BCAS3: variants seen among roughly 807,000 people sequenced by gnomAD.
BCAS3 encodes BCAS3 microtubule associated cell migration factor.
A neutral mutation model predicts 116.1 loss-of-function variants in BCAS3; 53 were observed. The observed-to-expected ratio is 0.46, with a 90% confidence interval of 0.37 to 0.57. BCAS3 has a LOEUF of 0.57. BCAS3 is among the 20% of genes least tolerant of loss of function. The pLI is 0.00. For missense variants in BCAS3, 917 were observed against 1,165.4 expected (o/e 0.79, Z 3.10); for synonymous variants, 391 against 408.2 (o/e 0.96, Z 0.51).
At position 61,333,241 on chromosome 17, in the gene BCAS3, C is replaced by T. The variant is rs8064930; in HGVS notation, c.2426-35086C>T. The stretch of plus-strand genomic sequence containing the variant: ...CAGTTATGCACAGGGAGCAGCTGGT[C>T]CCTCAGACCTTGCCAGCCACTTCTG... On this transcript the variant is annotated intron_variant, in intron 22 of 23. Coordinates refer to ENST00000407086, the MANE Select transcript of BCAS3 (RefSeq NM_017679.5). This position sits in a 1 kb window ranked among gnomAD's most constrained non-coding sequence, Gnocchi z 4.8. Among the ~76,000 whole-genome samples the T allele has an allele frequency of 0.1, 15,139 of 152,130 alleles. 1,000 individuals carry two copies. Among genetic ancestry groups the T allele is most frequent in the African/African-American group, 0.19 (7,806 of 41,472 alleles).
intron 14 of BCAS3, among the ~76,000 whole-genome samples, chr17:60,959,720 A>G (rs1453043096): frequency 6.6e-6 from 1 of 152,220 alleles, no homozygotes. Flanking sequence ...TGGTTACTAC[A>G]ACAAATTGCC....
chr17:61,025,980 CA>C (rs1441226959), intron 16 of BCAS3, among the ~76,000 whole-genome samples: 3 of 150,438 alleles, frequency 2.0e-5, no homozygotes, highest in Non-Finnish European at 4.4e-5. Context: ...CACATTTTAC[CA>C]ATGTGCTTTT....
intron 12 of BCAS3, among the ~76,000 whole-genome samples, chr17:60,918,683 G>A (rs2058905408): frequency 6.7e-6 from 1 of 149,014 alleles, no homozygotes; most frequent in Non-Finnish European, 1.5e-5. Context: ...TATTGTTGAA[G>A]CTTCTCAATT....
At chr17:60,929,541 TTC>T (rs1176117188) in intron 13 of BCAS3, among the ~76,000 whole-genome samples, 2 of 152,088 alleles carry the variant, frequency 1.3e-5, no homozygotes. Context: ...GATATGTAAT[TTC>T]TTTTTTATTT....
intron 15 of BCAS3, among the ~76,000 whole-genome samples, chr17:61,005,014 A>G (rs1026012282): frequency 5.3e-5 from 8 of 152,176 alleles, no homozygotes; most frequent in African/African-American, 1.9e-4. Flanking sequence ...GACAGTACTC[A>G]TAAATGAATA....
At chr17:60,876,178 C>T (rs1017568453) in intron 9 of BCAS3, among the ~76,000 whole-genome samples, 1 of 152,004 alleles carries the variant, frequency 6.6e-6, no homozygotes, top group African/African-American at 2.4e-5. Context: ...CCATTTACTA[C>T]CAATGAAACT....
At chr17:61,069,886 A>C in intron 19 of BCAS3, 1 of 1,224,470 alleles carries the variant, frequency 8.2e-7, no homozygotes, top group South Asian at 1.2e-5. Flanking sequence ...GCCGAAAGCG[A>C]AGAAGGAAGC....
intron 13 of BCAS3, among the ~76,000 whole-genome samples, chr17:60,943,908 A>G (rs2060349203): frequency 6.6e-6 from 1 of 152,118 alleles, no homozygotes; most frequent in Non-Finnish European, 1.5e-5. Flanking sequence ...GCAAAAGACA[A>G]AGCAACTAGG....
chr17:60,848,415 A>G (rs558139789), intron 7 of BCAS3, among the ~76,000 whole-genome samples: 10 of 152,176 alleles, frequency 6.6e-5, no homozygotes, highest in African/African-American at 2.2e-4. Flanking sequence ...TCATTGCTAG[A>G]TTTTGCGTGT....
At chr17:60,811,039 G>A in intron 7 of BCAS3, 1 of 650,698 alleles carries the variant, frequency 1.5e-6, no homozygotes, top group Non-Finnish European at 2.8e-6. Context: ...GGTTGGAGCT[G>A]CTGCGTTGAT....
chr17:60,757,394 ATG>A (rs61645091), intron 6 of BCAS3, among the ~76,000 whole-genome samples: 10,350 of 136,328 alleles, frequency 0.076, 376 homozygotes, highest in African/African-American at 0.11. Flanking sequence ...CAGCATGTAT[ATG>A]TGTGTGTGTG....
intron 5 of BCAS3, among the ~76,000 whole-genome samples, chr17:60,723,747 C>G (rs1244317133): frequency 2.0e-5 from 2 of 100,526 alleles, no homozygotes; most frequent in Admixed American, 1.6e-4. Context: ...GAGATGAAGT[C>G]TCGCTCTGTT....
In BCAS3 at chr17:61,118,191, G is replaced by A. The variant is rs915066018; in HGVS notation, c.2425+33627G>A. On this transcript the variant is annotated intron_variant, in intron 22 of 23. Transcript: ENST00000407086. This position sits in a 1 kb window ranked among gnomAD's most constrained non-coding sequence, Gnocchi z 5.0. The stretch of plus-strand genomic sequence containing the variant: ...CAGGGGAAGTAGGATGTTCTACCTC[G>A]TTTCTGCCAGGTGGAGGTAGAAGCC... Among the ~76,000 whole-genome samples, 3 of 152,108 alleles carry A rather than the reference G, an allele frequency of 2.0e-5. No homozygotes were observed. Among genetic ancestry groups the A allele is most frequent in the Admixed American group, 6.6e-5 (1 of 15,266 alleles).
rs1748054246 is a variant in BCAS3, at chr17:61,151,076, A to G, written c.2425+66512A>G. 1.3e-5 allele frequency among the ~76,000 whole-genome samples: 2 copies of G among 152,310 alleles called. No individual in the cohort carries two copies. Among genetic ancestry groups the G allele is most frequent in the South Asian group, 4.1e-4 (2 of 4,826 alleles). ...TTCCAACTTCTCATTTAAAGCTACA[A>G]TGACCACAACTACTGCAATGACTGT... is the stretch of plus-strand genomic sequence containing the variant. On this transcript the variant is annotated intron_variant, in intron 22 of 23. Transcript: ENST00000407086. This position sits in a 1 kb window ranked among gnomAD's most constrained non-coding sequence, Gnocchi z 4.8.
At position 61,276,733 on chromosome 17, in the gene BCAS3, G is replaced by A. The variant is rs1258994186; in HGVS notation, c.2426-91594G>A. 2.6e-5 allele frequency among the ~76,000 whole-genome samples: 4 copies of A among 152,098 alleles called. No individual in the cohort carries two copies. The highest frequency in any genetic ancestry group is 5.9e-5 in the Non-Finnish European group (4 of 68,018). The stretch of plus-strand genomic sequence containing the variant: ...TCCTAAAATTTACATATAAATTCAA[G>A]GGTGCAGAAAAGCCGAAATAATCTT... On this transcript the variant is annotated intron_variant, in intron 22 of 23. Transcript: ENST00000407086. The surrounding 1 kb of genome is among the most constrained non-coding windows in gnomAD (Gnocchi z 4.2).
intron 22 of BCAS3, among the ~76,000 whole-genome samples, chr17:61,234,957 G>A (rs987517462): frequency 4.6e-5 from 7 of 151,902 alleles, no homozygotes; most frequent in African/African-American, 1.7e-4. Flanking sequence ...GCATGATCTC[G>A]GCTCACTGCA....
rs546187062 is a variant in BCAS3, at chr17:61,164,766, AT to A, written c.2425+80204del. On this transcript the variant is annotated intron_variant, in intron 22 of 23. Coordinates refer to ENST00000407086, the MANE Select transcript of BCAS3 (RefSeq NM_017679.5). The stretch of plus-strand genomic sequence containing the variant: ...CCAAATAAACCTTTGTTCTTTATAA[AT>A]TACCCAGTCTGTGGTATTGTTATAG... Among the ~76,000 whole-genome samples the A allele has an allele frequency of 1.9e-3, 285 of 152,312 alleles. 1 individual carries two copies. Among genetic ancestry groups the A allele is most frequent in the Non-Finnish European group, 3.1e-3 (210 of 68,028 alleles).
intron 14 of BCAS3, among the ~76,000 whole-genome samples, chr17:60,975,773 A>G (rs2062303945): frequency 1.3e-5 from 2 of 152,178 alleles, no homozygotes; most frequent in East Asian, 1.9e-4. Context: ...TACATTTCAT[A>G]TAAAATGGAA....
chr17:60,931,972 C>G (rs969338095), intron 13 of BCAS3, among the ~76,000 whole-genome samples: 1 of 152,050 alleles, frequency 6.6e-6, no homozygotes, highest in Admixed American at 6.6e-5. Flanking sequence ...ACTTGGGAGG[C>G]TGAGGCAGGG....
Sources: allele counts gnomAD v4.1 joint callset (sites outside exome capture counted in the v4.1 genomes callset), GRCh38; gene constraint gnomAD v4.1.1; non-coding constraint Gnocchi (gnomAD v3.1); transcripts MANE v1.5; gene names NCBI Gene and HGNC (gene_info 2026-07-23, HGNC 2026-07-21).